The following DGCR8 variants were observed in gnomAD, a reference collection of about 807,000 sequenced individuals.
The protein encoded by DGCR8 is microprocessor complex subunit DGCR8.
A neutral mutation model predicts 78.5 loss-of-function variants in DGCR8; 14 were observed. The observed-to-expected ratio is 0.18, with a 90% CI of 0.12 to 0.28. The LOEUF (loss-of-function observed/expected upper bound fraction) is 0.28, where lower values mean the gene tolerates loss of function less well. DGCR8 is among the 10% of genes least tolerant of loss of function. The pLI, the probability that DGCR8 is intolerant of heterozygous loss-of-function variation, is 1.00. For missense variants in DGCR8, 702 were observed against 1,022.5 expected (o/e 0.69, Z 4.28); for synonymous variants, 399 against 402.4 (o/e 0.99, Z 0.10).
chr22:20,098,245 C>T (rs1309678371), intron 9 of DGCR8, among the ~76,000 whole-genome samples: 1 of 152,104 alleles, frequency 6.6e-6, no homozygotes, highest in Non-Finnish European at 1.5e-5. Context: ...CCCACCTCAG[C>T]CTCCCAAATT....
rs1022034950 is a variant in DGCR8, at chr22:20,111,712, CCCCCCCCCCCA to C, written c.*1608_*1618del. On this transcript the variant is annotated 3_prime_UTR_variant, in exon 14 of 14. Coordinates refer to ENST00000351989, the MANE Select transcript of DGCR8 (RefSeq NM_022720.7). ...ACTCTTGTGGTCTCTGTGCGCCCCC[CCCCCCCCCCCA>C]CCCGTCTGCCAAGCATGGGTATGAA... The C allele has an allele frequency of 2.1e-4, 35 of 163,798 alleles. 2 individuals carry two copies. Among genetic ancestry groups the C allele is most frequent in the Non-Finnish European group, 3.4e-4 (29 of 86,246 alleles). 10.1% of individuals were successfully genotyped at this position (163,798 alleles called of 1,614,324 possible). A position where few individuals can be genotyped will look rare whatever the true frequency, so the allele number is the denominator to read the frequency against.
intron 12 of DGCR8, chr22:20,108,655 A>C: frequency 2.5e-6 from 1 of 398,484 alleles, no homozygotes; most frequent in Non-Finnish European, 4.8e-6. Context: ...TGGTGTGGGC[A>C]GAAAGGCCTG....
Position 20,085,638 on chromosome 22 carries a change from T to C in DGCR8, c.-277-49T>C, listed in dbSNP as rs2049472723. The C allele has an allele frequency of 2.4e-6, 3 of 1,272,580 alleles. No individual in the cohort carries two copies. The highest frequency in any genetic ancestry group is 2.0e-6 in the Non-Finnish European group (2 of 1,011,274). 78.8% of individuals were successfully genotyped at this position (1,272,580 alleles called of 1,614,324 possible). A position where few individuals can be genotyped will look rare whatever the true frequency, so the allele number is the denominator to read the frequency against. The stretch of plus-strand genomic sequence containing the variant: ...TGGCTTTTAACTTGGTACCAGGGAA[T>C]TGGAAGGTTTCTGTCATTTTGTGAC... On this transcript the variant is annotated intron_variant, in intron 1 of 13. Coordinates refer to ENST00000351989, the MANE Select transcript of DGCR8 (RefSeq NM_022720.7). This position sits in a 1 kb window ranked among gnomAD's most constrained non-coding sequence, Gnocchi z 6.2.
intron 7 of DGCR8, among the ~76,000 whole-genome samples, chr22:20,092,319 G>T (rs1012309034): frequency 9.2e-5 from 14 of 152,178 alleles, no homozygotes; most frequent in African/African-American, 3.1e-4. Context: ...GTGCCCCTGG[G>T]TGTCTGAAGG....
At chr22:20,080,568 C>T (rs889787793) in intron 1 of DGCR8, 185 bp downstream of exon 1, 2 of 786,210 alleles carry the variant, frequency 2.5e-6, no homozygotes, top group Non-Finnish European at 3.1e-6. Context: ...GGGACGCCTC[C>T]GGGGCTGGGG....
chr22:20,080,447 C>A, intron 1 of DGCR8, 64 bp downstream of exon 1: 6 of 979,690 alleles, frequency 6.1e-6, no homozygotes, highest in Non-Finnish European at 7.3e-6. Flanking sequence ...TGCGCGAGGG[C>A]GCGCCCTTCC....
At chr22:20,108,791 G>GCGCCTACCTTGCTAGACCCTGGGCA in intron 12 of DGCR8, 99 bp from the exon 13 acceptor site, 1 of 705,216 alleles carries the variant, frequency 1.4e-6, no homozygotes, top group Non-Finnish European at 2.6e-6. Flanking sequence ...GACCCTGGGC[G>GCGCCTACCTTGCTAGACCCTGGGCA]CGCCTGCCTT....
rs534880763 is a variant in DGCR8 at position 20,089,121 on chromosome 22, A to G, written c.881-548A>G. ...GGCAGGTGTCAAGTTGATAAGTCGTAAACCTCTTCCTCACAACTGCCTATA... is the reference window on the plus strand; with the variant it reads ...GGCAGGTGTCAAGTTGATAAGTCGTGAACCTCTTCCTCACAACTGCCTATA... On this transcript the variant is annotated intron_variant, in intron 3 of 13. Transcript: ENST00000351989. This position sits in a 1 kb window ranked among gnomAD's most constrained non-coding sequence, Gnocchi z 4.9. Among the ~76,000 whole-genome samples the G allele has an allele frequency of 6.6e-6, 1 of 152,376 alleles. No homozygotes were observed. The highest frequency in any genetic ancestry group is 1.5e-5 in the Non-Finnish European group (1 of 68,036).
intron 12 of DGCR8, chr22:20,108,301 A>G (rs2049793613): frequency 6.6e-6 from 1 of 152,538 alleles, no homozygotes; most frequent in Non-Finnish European, 1.5e-5. Flanking sequence ...GGAGGGAGAG[A>G]AGGCAAGCCC....
rs746110835 is a variant in DGCR8, at chr22:20,087,369, G to C, written c.880+48G>C. ...GTGGGTGTTCCAGGGCAGTGGAGGGGTGGTTGCTTCCTTAGCAGAAATGCT... is the reference window on the plus strand; with the variant it reads ...GTGGGTGTTCCAGGGCAGTGGAGGGCTGGTTGCTTCCTTAGCAGAAATGCT... On this transcript the variant is annotated intron_variant, in intron 3 of 13. Coordinates refer to ENST00000351989, the MANE Select transcript of DGCR8 (RefSeq NM_022720.7). The surrounding 1 kb of genome is among the most constrained non-coding windows in gnomAD (Gnocchi z 4.1). 1.3e-6 allele frequency: 2 copies of C among 1,545,212 alleles called. No homozygotes were observed. Among genetic ancestry groups the C allele is most frequent in the Admixed American group, 1.9e-5 (1 of 52,928 alleles).
intron 9 of DGCR8, among the ~76,000 whole-genome samples, chr22:20,103,707 A>G (rs928616691): frequency 1.3e-5 from 2 of 152,228 alleles, no homozygotes; most frequent in Admixed American, 6.5e-5. Flanking sequence ...TCAGAAGGGC[A>G]GGACAGATAT....
At chr22:20,080,721 C>G (rs2049408482) in intron 1 of DGCR8, 1 of 155,474 alleles carries the variant, frequency 6.4e-6, no homozygotes, top group Non-Finnish European at 1.4e-5. Context: ...GGGACCCTGC[C>G]GGCTTTAACA....
Position 20,110,268 on chromosome 22 carries a change from G to C in DGCR8, c.*160G>C, listed in dbSNP as rs1432399604. The C allele has an allele frequency of 1.7e-5, 11 of 664,292 alleles. No individual in the cohort carries two copies. In the East Asian group the frequency reaches 3.1e-4, roughly 18 times the overall value. The allele number at this position is 664,292 out of a possible 1,614,324, so 41.1% of individuals were successfully genotyped here. A position where few individuals can be genotyped will look rare whatever the true frequency, so the allele number is the denominator to read the frequency against. ...TAGGGTGGAGGCTTTAGTGTACAGG[G>C]ACAGCCATGGCCACACAGCACACAT... On this transcript the variant is annotated 3_prime_UTR_variant, in exon 14 of 14. Transcript: ENST00000351989.
At chr22:20,080,482 G>A in intron 1 of DGCR8, 99 bp downstream of exon 1, 2 of 983,970 alleles carry the variant, frequency 2.0e-6, no homozygotes, top group South Asian at 9.4e-5. Flanking sequence ...CGGGACCGAG[G>A]CCGCGGGCGG....
Position 20,111,706 on chromosome 22 carries a change from G to GCCCCCCCCCCCCCCCCCCCCCCC in DGCR8, c.*1614_*1615insCCCCCCCCCCCCCCCCCCCCCCC, listed in dbSNP as rs71717697. 1 of 63,028 alleles carries GCCCCCCCCCCCCCCCCCCCCCCC rather than the reference G, an allele frequency of 1.6e-5. No individual in the cohort carries two copies. The highest frequency in any genetic ancestry group is 3.0e-5 in the Non-Finnish European group (1 of 33,564). 3.9% of individuals were successfully genotyped at this position (63,028 alleles called of 1,614,324 possible). ...TGCCATACTCTTGTGGTCTCTGTGCGCCCCCCCCCCCCCCCCACCCGTCTG... is the reference window on the plus strand; with the variant it reads ...TGCCATACTCTTGTGGTCTCTGTGCGCCCCCCCCCCCCCCCCCCCCCCCCCCCCCCCCCCCCCCCACCCGTCTG... On this transcript the variant is annotated 3_prime_UTR_variant, in exon 14 of 14. Coordinates refer to ENST00000351989, the MANE Select transcript of DGCR8 (RefSeq NM_022720.7).
At chr22:20,109,999 A>T (rs1461415100) in intron 13 of DGCR8, 26 bp from the exon 14 acceptor site, 1 of 1,611,168 alleles carries the variant, frequency 6.2e-7, no homozygotes, top group African/African-American at 1.3e-5. Context: ...CCTCACTGGT[A>T]CCCCTGACCT....
Position 20,108,946 on chromosome 22 carries a change from C to A in DGCR8, c.2181C>A (p.Pro727=). Residue 727 remains proline (P), a synonymous_variant, in exon 13 of 14, where the codon CCC becomes CCA. Transcript: ENST00000351989. The part of the protein sequence containing the change: ...ELQQYAKKNK[P]NLHILSKLQE... The stretch of plus-strand genomic sequence containing the variant: ...AGCAGTATGCCAAGAAGAACAAGCC[C>A]AACCTGCACATCCTCAGCAAGCTCC... The A allele has an allele frequency of 1.2e-6, 2 of 1,611,968 alleles. No individual in the cohort carries two copies. The highest frequency in any genetic ancestry group is 2.2e-5 in the South Asian group (2 of 91,030).
chr22:20,090,676 G>A (rs1039823481), intron 5 of DGCR8, among the ~76,000 whole-genome samples: 7 of 152,188 alleles, frequency 4.6e-5, no homozygotes, highest in African/African-American at 1.4e-4. Context: ...ACCATTCTGT[G>A]GATAGTTCCC....
intron 1 of DGCR8, among the ~76,000 whole-genome samples, chr22:20,081,936 C>T (rs2049422623): frequency 1.3e-5 from 2 of 152,184 alleles, no homozygotes; most frequent in African/African-American, 4.8e-5. Context: ...TTCAAGTTAA[C>T]ATCCTGGCCC....
Sources: allele counts gnomAD v4.1 joint callset (sites outside exome capture counted in the v4.1 genomes callset), GRCh38; gene constraint gnomAD v4.1.1; non-coding constraint Gnocchi (gnomAD v3.1); transcripts MANE v1.5; gene names NCBI Gene and HGNC (gene_info 2026-07-23, HGNC 2026-07-21).